TMEM101: variants seen among roughly 807,000 people sequenced by gnomAD.
The protein encoded by TMEM101 is putative NF-kappa-B-activating protein 130.
In TMEM101, 14 loss-of-function variants were observed where a neutral mutation model predicts 26.0. That is an observed-to-expected ratio of 0.54 (90% CI 0.36 to 0.84). The LOEUF (loss-of-function observed/expected upper bound fraction) is 0.84. Among genes scored for constraint, TMEM101 ranks in the 40% least tolerant of loss-of-function variants. The probability of loss-of-function intolerance (pLI) is 0.01; values close to 1 mark genes in which losing one functional copy is unlikely to be tolerated. For synonymous variants in TMEM101, 152 were observed against 145.1 expected (o/e 1.05, Z -0.34); for missense variants, 292 against 345.1 (o/e 0.85, Z 1.22).
At chr17:44,014,587 G>A in intron 1 of TMEM101, 50 bp from the exon 2 acceptor site, 1 of 1,554,848 alleles carries the variant, frequency 6.4e-7, no homozygotes, top group South Asian at 1.2e-5. Context: ...AGCGGTGGGG[G>A]AAGAAGCTTG....
chr17:44,021,235 G>C (rs529570831), intron 2 of TMEM101: 2 of 152,080 alleles, frequency 1.3e-5, no homozygotes, highest in African/African-American at 4.8e-5. Context: ...CTGCATCTGC[G>C]GTTTTATAGC....
upstream of TMEM101, among the ~76,000 whole-genome samples, chr17:44,017,593 CAAAAAAAA>C (rs1242207636): frequency 1.3e-5 from 1 of 75,180 alleles, no homozygotes; most frequent in African/African-American, 5.9e-5. Flanking sequence ...GACAACATCT[CAAAAAAAA>C]AAAAAAAAAA....
chr17:44,011,332 G>C lies in TMEM101; in HGVS notation c.*596C>G, dbSNP rs2049154992. ...CCACTGCCTGCTCCACCCCTTCACA[G>C]CCCAGAGCAGAACAGGGTCTGCTCT... On this transcript the variant is annotated 3_prime_UTR_variant, in exon 4 of 4. Coordinates refer to ENST00000206380, the MANE Select transcript of TMEM101 (RefSeq NM_032376.4). 1 of 152,878 alleles carries C rather than the reference G, an allele frequency of 6.5e-6. No individual in the cohort carries two copies. The highest frequency in any genetic ancestry group is 2.4e-5 in the African/African-American group (1 of 41,448). 9.5% of individuals were successfully genotyped at this position (152,878 alleles called of 1,614,324 possible).
Position 44,012,866 on chromosome 17 carries a change from G to C in TMEM101, c.465+143C>G, listed in dbSNP as rs979027627. 3 of 933,080 alleles carry C rather than the reference G, an allele frequency of 3.2e-6. No individual in the cohort carries two copies. In the African/African-American group the frequency reaches 5.0e-5, roughly 16 times the overall value. The allele number at this position is 933,080 out of a possible 1,614,324, so 57.8% of individuals were successfully genotyped here. On this transcript the variant is annotated intron_variant, in intron 3 of 3. Coordinates refer to ENST00000206380, the MANE Select transcript of TMEM101 (RefSeq NM_032376.4). The stretch of plus-strand genomic sequence containing the variant: ...GAGGGCCCCTGAGGCCTAGAAGCTG[G>C]CCAGGGCAATTCCCAGGGAACTGGG...
At chr17:44,023,006 G>C (rs1029686154) in intron 1 of TMEM101, 1 of 239,108 alleles carries the variant, frequency 4.2e-6, no homozygotes, top group Non-Finnish European at 8.4e-6. Context: ...AGGAAGGGGA[G>C]AAGGGAAAAG....
In TMEM101 at chr17:44,013,074, T is replaced by A. The variant is rs773473755; in HGVS notation, c.400A>T (p.Lys134Ter). 6.2e-7 allele frequency: 1 copy of A among 1,609,992 alleles called. No individual in the cohort carries two copies. The highest frequency in any genetic ancestry group is 1.1e-5 in the South Asian group (1 of 90,820). ...ASGAGELYRRKPRSRSLQSTG... is the reference protein window; with the variant it reads ...ASGAGELYRR ...GACTGCAGGGAGCGGCTGCGAGGTTTCCGGCGGTACAGCTCCCCAGCACCG... is the reference window on the plus strand; with the variant it reads ...GACTGCAGGGAGCGGCTGCGAGGTTACCGGCGGTACAGCTCCCCAGCACCG... The change falls in exon 3 of 4, where the codon AAA (lysine) becomes TAA (stop). Residue 134 changes from lysine (K) to a stop codon, truncating the protein, a stop_gained. Transcript: ENST00000206380. LOFTEE classifies it high-confidence loss of function.
At chr17:44,017,971 A>G (rs941879530), upstream of TMEM101, among the ~76,000 whole-genome samples, 2 of 152,102 alleles carry the variant, frequency 1.3e-5, no homozygotes, top group Admixed American at 6.6e-5. Flanking sequence ...CATCTCTACT[A>G]AAAATTAGCT....
chr17:44,019,972 G>A (rs886599886), intron 2 of TMEM101, among the ~76,000 whole-genome samples: 2 of 152,170 alleles, frequency 1.3e-5, no homozygotes, highest in Non-Finnish European at 2.9e-5. Context: ...TTTGCAACAT[G>A]ACAGTACACA....
In TMEM101 at chr17:44,011,762, T is replaced by C; in HGVS notation, c.*166A>G. ...CCTCCCAAGCGCTGAGCCCAGAAAT[T>C]TGGACAAATGAGCTGCCTCTTAACT... is the stretch of plus-strand genomic sequence containing the variant. On this transcript the variant is annotated 3_prime_UTR_variant, in exon 4 of 4. Coordinates refer to ENST00000206380, the MANE Select transcript of TMEM101 (RefSeq NM_032376.4). 1 of 737,624 alleles carries C rather than the reference T, an allele frequency of 1.4e-6. No individual in the cohort carries two copies. The highest frequency in any genetic ancestry group is 2.2e-6 in the Non-Finnish European group (1 of 464,632). 45.7% of individuals were successfully genotyped at this position (737,624 alleles called of 1,614,324 possible). A position where few individuals can be genotyped will look rare whatever the true frequency, so the allele number is the denominator to read the frequency against.
chr17:44,012,373 A>G, intron 3 of TMEM101, 137 bp from the exon 4 acceptor site: 1 of 796,302 alleles, frequency 1.3e-6, no homozygotes, highest in Non-Finnish European at 1.9e-6. Flanking sequence ...GGAACCTCTG[A>G]AAGTAGGGCC....
chr17:44,012,918 G>C, intron 3 of TMEM101, 91 bp downstream of exon 3: 1 of 1,383,016 alleles, frequency 7.2e-7, no homozygotes, highest in Non-Finnish European at 9.6e-7. Context: ...TCAGGGCCTC[G>C]TTCTGTGTCT....
upstream of TMEM101, among the ~76,000 whole-genome samples, chr17:44,018,640 T>C (rs983352842): frequency 2.6e-5 from 4 of 152,218 alleles, no homozygotes; most frequent in Non-Finnish European, 1.5e-5. Flanking sequence ...ACCAGGATTG[T>C]GTACAACATG....
rs61753949 is a variant in TMEM101, at chr17:44,020,527, C to T, written c.-210+795G>A. ...CCTGAACTCAGGAGTTTGACATCAG[C>T]CTGGGCAATATGGTGAAACCCCGTC... On this transcript the variant is annotated intron_variant, in intron 2 of 4. Coordinates refer to the TMEM101 transcript ENST00000585950. Among the ~76,000 whole-genome samples the T allele has an allele frequency of 5.9e-3, 891 of 152,224 alleles. 13 individuals carry two copies. The highest frequency in any genetic ancestry group is 0.02 in the African/African-American group (842 of 41,526).
chr17:44,013,758 TAG>T (rs1337278799), intron 2 of TMEM101, among the ~76,000 whole-genome samples: 1 of 152,172 alleles, frequency 6.6e-6, no homozygotes, highest in African/African-American at 2.4e-5. Flanking sequence ...CTCAGATCTG[TAG>T]ACTCTAATCT....
At chr17:44,018,987 C>T (rs889226484), upstream of TMEM101, among the ~76,000 whole-genome samples, 2 of 152,176 alleles carry the variant, frequency 1.3e-5, no homozygotes, top group African/African-American at 4.8e-5. Flanking sequence ...GGTGGGTGGC[C>T]TGGCCCCTGA....
At chr17:44,023,157 T>C (rs1597876137), upstream of TMEM101, 1 of 209,266 alleles carries the variant, frequency 4.8e-6, no homozygotes. Context: ...TCTGGGACCC[T>C]AGCTCTTTTG....
chr17:44,012,854 G>C (rs1206393004), intron 3 of TMEM101, 155 bp downstream of exon 3: 1 of 767,866 alleles, frequency 1.3e-6, no homozygotes, highest in Non-Finnish European at 1.9e-6. Flanking sequence ...GGCCCCTGAG[G>C]CCTAGAAGCT....
upstream of TMEM101, chr17:44,014,970 C>T: frequency 1.2e-6 from 2 of 1,601,496 alleles, no homozygotes; most frequent in Admixed American, 1.7e-5. Flanking sequence ...AAGGGCAGTC[C>T]GCTGCGGCCT....
At chr17:44,021,623 T>A (rs566930910) in intron 1 of TMEM101, among the ~76,000 whole-genome samples, 21 of 152,360 alleles carry the variant, frequency 1.4e-4, no homozygotes, top group African/African-American at 4.6e-4. Context: ...CAAGTTTTTC[T>A]ACAAGTGACA....
Sources: allele counts gnomAD v4.1 joint callset (sites outside exome capture counted in the v4.1 genomes callset), GRCh38; gene constraint gnomAD v4.1.1; transcripts MANE v1.5; gene names NCBI Gene and HGNC (gene_info 2026-07-23, HGNC 2026-07-21).